IWS1: variants seen among roughly 807,000 people sequenced by gnomAD.
IWS1 encodes the protein protein IWS1 homolog.
IWS1 carries 27 observed loss-of-function variants against 86.7 expected under a neutral mutation model. The ratio of observed to expected loss-of-function variants is 0.31; its 90% CI spans 0.23 to 0.43. The LOEUF is 0.43. Ranked by LOEUF, IWS1 falls within the 20% of genes least tolerant of loss-of-function variation. The pLI, the probability that IWS1 is intolerant of heterozygous loss-of-function variation, is 1.00. For synonymous variants in IWS1, 313 were observed against 335.1 expected, an observed-to-expected ratio of 0.93 and a Z score of 0.72; for missense variants, 827 against 1,000.8, an observed-to-expected ratio of 0.83 and a Z score of 2.34.
intron 2 of IWS1, among the ~76,000 whole-genome samples, chr2:127,513,038 C>T (rs1188883090): frequency 6.6e-6 from 1 of 152,192 alleles, no homozygotes; most frequent in African/African-American, 2.4e-5. Context: ...GTCAGGAGTT[C>T]AAGACCAGCC....
chr2:127,526,687 ATTCT>A (rs1363003522), upstream of IWS1: 1 of 1,308,822 alleles, frequency 7.6e-7, no homozygotes, highest in African/African-American at 1.5e-5. Context: ...GTTATCATTG[ATTCT>A]TTATCATTTC....
intron 2 of IWS1, among the ~76,000 whole-genome samples, chr2:127,509,760 T>G (rs147903695): frequency 9.3e-4 from 140 of 150,156 alleles, no homozygotes; most frequent in African/African-American, 3.2e-3. Context: ...TACCTCCTTC[T>G]TAGCCATCAT....
intron 2 of IWS1, among the ~76,000 whole-genome samples, chr2:127,520,249 A>G (rs1157678754): frequency 6.6e-6 from 1 of 151,894 alleles, no homozygotes; most frequent in African/African-American, 2.4e-5. Context: ...ACTCACTGCA[A>G]CCTCCACCTC....
chr2:127,483,524 C>T (rs1258917851), intron 13 of IWS1, among the ~76,000 whole-genome samples: 4 of 140,596 alleles, frequency 2.8e-5, no homozygotes, highest in East Asian at 2.1e-4. Flanking sequence ...AATGATAAAT[C>T]GACTAGGTGG....
At chr2:127,493,852 A>C (rs1436500618) in intron 8 of IWS1, among the ~76,000 whole-genome samples, 5 of 152,086 alleles carry the variant, frequency 3.3e-5, no homozygotes, top group African/African-American at 7.2e-5. Context: ...AAAAAAAAAA[A>C]AACTCAATAA....
Position 127,480,914 on chromosome 2 carries a change from T to C in IWS1, c.*130A>G, listed in dbSNP as rs1454496635. ...TAAATATAACTGAGAGAAATGTGAG[T>C]CCTATGACAACATCTGATACACGCT... On this transcript the variant is annotated 3_prime_UTR_variant, in exon 14 of 14. Coordinates refer to ENST00000295321, the MANE Select transcript of IWS1 (RefSeq NM_017969.3). 5.3e-6 allele frequency: 5 copies of C among 942,020 alleles called. No homozygotes were observed. Among genetic ancestry groups the C allele is most frequent in the Non-Finnish European group, 7.8e-6 (5 of 638,554 alleles). 58.4% of individuals were successfully genotyped at this position (942,020 alleles called of 1,614,324 possible). A position where few individuals can be genotyped will look rare whatever the true frequency, so the allele number is the denominator to read the frequency against.
chr2:127,488,983 T>C (rs1409457966), intron 12 of IWS1, among the ~76,000 whole-genome samples, 196 bp downstream of exon 12: 1 of 152,166 alleles, frequency 6.6e-6, no homozygotes, highest in Admixed American at 6.5e-5. Context: ...AAAATCTTTA[T>C]TGAATGAATT....
intron 13 of IWS1, among the ~76,000 whole-genome samples, chr2:127,481,489 A>C (rs559092204): frequency 6.6e-6 from 1 of 152,146 alleles, no homozygotes; most frequent in Non-Finnish European, 1.5e-5. Flanking sequence ...CATCATGTAC[A>C]TTACGTTTTA....
rs188929960 is a variant in IWS1, at chr2:127,502,061, T to C, written c.1467+754A>G. Among the ~76,000 whole-genome samples the C allele has an allele frequency of 2.4e-3, 365 of 152,330 alleles. 1 individual carries two copies. Among genetic ancestry groups the C allele is most frequent in the Admixed American group, 3.9e-3 (60 of 15,304 alleles). On this transcript the variant is annotated intron_variant, in intron 5 of 13. Transcript: ENST00000295321. ...TGTCATCATTACTGTTACCTTTTAA[T>C]GTTATTTTTGTGTATAATAAGTACA...
rs1211964721 is a variant in IWS1 at position 127,489,525 on chromosome 2, CT to C, written c.2160-291del. 3 of 498,482 alleles carry C rather than the reference CT, an allele frequency of 6.0e-6. No individual in the cohort carries two copies. The highest frequency in any genetic ancestry group is 1.1e-5 in the Non-Finnish European group (3 of 283,308). 30.9% of individuals were successfully genotyped at this position (498,482 alleles called of 1,614,324 possible). On this transcript the variant is annotated intron_variant, in intron 11 of 13. Coordinates refer to ENST00000295321, the MANE Select transcript of IWS1 (RefSeq NM_017969.3). This position sits in a 1 kb window ranked among gnomAD's most constrained non-coding sequence, Gnocchi z 4.8. ...ACAAACTAAAACTATAACATTTTTTCTTCTAGGAACTCGGAAACGGGACCCA... is the reference window on the plus strand; with the variant it reads ...ACAAACTAAAACTATAACATTTTTTCTCTAGGAACTCGGAAACGGGACCCA...
At chr2:127,491,509 T>C (rs1181565183) in intron 10 of IWS1, among the ~76,000 whole-genome samples, 1 of 152,138 alleles carries the variant, frequency 6.6e-6, no homozygotes, top group Non-Finnish European at 1.5e-5. Context: ...AGTGGCGCGA[T>C]CTCGGCTCAC....
intron 2 of IWS1, among the ~76,000 whole-genome samples, chr2:127,515,698 G>A (rs1418555721): frequency 1.3e-5 from 2 of 152,140 alleles, no homozygotes; most frequent in Non-Finnish European, 2.9e-5. Flanking sequence ...TAACGGCAAA[G>A]GGCAAATGAA....
rs766247543 is a variant in IWS1, at chr2:127,505,161, T to C, written c.742A>G (p.Ser248Gly). 7.4e-6 allele frequency: 12 copies of C among 1,611,812 alleles called. No individual in the cohort carries two copies. Among genetic ancestry groups the C allele is most frequent in the African/African-American group, 1.3e-5 (1 of 74,796 alleles). ...ENEELPKPRI[S>G]DSESEDPPRH... ...GGAGGGTCCTCACTTTCTGAGTCAC[T>C]GATACGAGGTTTGGGAAGCTCCTCA... Residue 248 changes from serine (S) to glycine (G), a missense_variant, in exon 3 of 14, where the codon AGT (serine) becomes GGT (glycine). Coordinates refer to ENST00000295321, the MANE Select transcript of IWS1 (RefSeq NM_017969.3). This position sits in a 1 kb window ranked among gnomAD's most constrained non-coding sequence, Gnocchi z 5.0.
At chr2:127,496,396 T>G (rs76645108) in intron 6 of IWS1, among the ~76,000 whole-genome samples, 2,763 of 152,180 alleles carry the variant, frequency 0.018, 44 homozygotes, top group African/African-American at 0.042. Flanking sequence ...TTTTATAAAT[T>G]TAGTGTAGCC....
At chr2:127,491,642 A>G (rs990727564) in intron 10 of IWS1, among the ~76,000 whole-genome samples, 3 of 152,186 alleles carry the variant, frequency 2.0e-5, no homozygotes, top group Non-Finnish European at 1.5e-5. Context: ...ATGGGGTTTC[A>G]TCGTGTTAGC....
In IWS1 at chr2:127,505,224, C is replaced by T. The variant is rs746178910; in HGVS notation, c.679G>A (p.Glu227Lys). ...CTGGCCTGGTGCCTTGGGGGTTCCTCACTTTCTGAATCACTGACCTGAGGT... is the reference window on the plus strand; with the variant it reads ...CTGGCCTGGTGCCTTGGGGGTTCCTTACTTTCTGAATCACTGACCTGAGGT... ...PKPQVSDSES[E>K]EPPRHQASDS... is the part of the protein sequence containing the mutation. Residue 227 changes from glutamate to lysine, a missense_variant, in exon 3 of 14, where the codon GAG (glutamate) becomes AAG (lysine). Coordinates refer to ENST00000295321, the MANE Select transcript of IWS1 (RefSeq NM_017969.3). The surrounding 1 kb of genome is among the most constrained non-coding windows in gnomAD (Gnocchi z 5.0). 1 of 1,614,078 alleles carries T rather than the reference C, an allele frequency of 6.2e-7. No individual in the cohort carries two copies. Among genetic ancestry groups the T allele is most frequent in the South Asian group, 1.1e-5 (1 of 91,078 alleles).
intron 2 of IWS1, chr2:127,511,088 C>G (rs974656630): frequency 2.0e-5 from 3 of 152,180 alleles, no homozygotes; most frequent in Admixed American, 1.3e-4. Flanking sequence ...CCAAGAATAT[C>G]TTTCTTCTAC....
At chr2:127,513,330 C>G (rs957732188) in intron 2 of IWS1, among the ~76,000 whole-genome samples, 5 of 152,146 alleles carry the variant, frequency 3.3e-5, no homozygotes, top group Admixed American at 3.3e-4. Flanking sequence ...AAAATGTCAA[C>G]TATCCAGGCT....
intron 13 of IWS1, chr2:127,482,853 AAG>A (rs1233495235): frequency 6.6e-6 from 1 of 152,224 alleles, no homozygotes; most frequent in African/African-American, 2.4e-5. Flanking sequence ...CTTAGAAATT[AAG>A]AGTGTGTGCT....
Sources: allele counts gnomAD v4.1 joint callset (sites outside exome capture counted in the v4.1 genomes callset), GRCh38; gene constraint gnomAD v4.1.1; non-coding constraint Gnocchi (gnomAD v3.1); transcripts MANE v1.5; gene names NCBI Gene and HGNC (gene_info 2026-07-23, HGNC 2026-07-21).